Variants in SCRN1 observed in about 807,000 individuals in gnomAD.
The protein encoded by SCRN1 is secernin-1.
SCRN1 carries 19 observed loss-of-function variants against 43.3 expected under a neutral mutation model. The observed-to-expected ratio is 0.44, with a 90% CI of 0.31 to 0.64. The LOEUF is 0.64. SCRN1 is among the 30% of genes least tolerant of loss of function. The probability of loss-of-function intolerance (pLI) is 0.09; values close to 1 mark genes in which losing one functional copy is unlikely to be tolerated. For synonymous variants in SCRN1, 183 were observed against 188.9 expected, an observed-to-expected ratio of 0.97 and a Z score of 0.26; for missense variants, 447 against 524.1, an observed-to-expected ratio of 0.85 and a Z score of 1.44.
Position 29,923,962 on chromosome 7 carries a change from T to G in SCRN1, c.1240A>C (p.Lys414Gln), listed in dbSNP as rs143093540. 131 of 1,610,716 alleles carry G rather than the reference T, an allele frequency of 8.1e-5. 2 individuals are homozygous for G. In the East Asian group the frequency reaches 2.9e-3, roughly 36 times the overall value. ...DCVDTEIKFFK is the reference protein window; with the variant it reads ...DCVDTEIKFFQ ...GGGGAAAGGGAACGCTTACTTCACT[T>G]AAAGAACTTAATCTCCGTGTCAACA... Residue 414 changes from lysine (K) to glutamine (Q), a missense_variant, in exon 8 of 8, where the codon AAG (lysine) becomes CAG (glutamine). Lys to Gln is a moderately conservative substitution (Grantham distance 53, BLOSUM62 1). Coordinates refer to ENST00000242059, the MANE Select transcript of SCRN1 (RefSeq NM_014766.5).
intron 1 of SCRN1, among the ~76,000 whole-genome samples, chr7:29,983,501 A>C (rs1403057937): frequency 6.6e-6 from 1 of 152,190 alleles, no homozygotes; most frequent in Admixed American, 6.5e-5. Flanking sequence ...TTTAAAGAAC[A>C]GAGAATGTTC....
intron 3 of SCRN1, among the ~76,000 whole-genome samples, chr7:29,951,402 G>A (rs915345941): frequency 2.0e-5 from 3 of 152,168 alleles, no homozygotes; most frequent in African/African-American, 7.2e-5. Context: ...AGTGTGCAGG[G>A]CCAAGTGGTG....
intron 1 of SCRN1, among the ~76,000 whole-genome samples, chr7:29,978,447 G>A (rs549537653): frequency 1.3e-5 from 2 of 152,122 alleles, no homozygotes; most frequent in South Asian, 2.1e-4. Flanking sequence ...CAATGAAAGC[G>A]CCACCTCTCC....
At chr7:29,938,659 A>C (rs1424160965) in intron 5 of SCRN1, among the ~76,000 whole-genome samples, 1 of 152,268 alleles carries the variant, frequency 6.6e-6, no homozygotes, top group Non-Finnish European at 1.5e-5. Flanking sequence ...CTCCTGCTGC[A>C]GATAACTAGC....
chr7:29,925,627 T>C (rs1477556308), intron 7 of SCRN1, among the ~76,000 whole-genome samples: 2 of 152,186 alleles, frequency 1.3e-5, no homozygotes, highest in Non-Finnish European at 2.9e-5. Flanking sequence ...GGTTTTCTTG[T>C]TTGAATTGAT....
chr7:29,924,952 A>G (rs1379814390), intron 7 of SCRN1, among the ~76,000 whole-genome samples: 1 of 152,106 alleles, frequency 6.6e-6, no homozygotes, highest in Non-Finnish European at 1.5e-5. Flanking sequence ...TAAATTTCAA[A>G]ACCCACCAGC....
upstream of SCRN1, chr7:29,989,907 C>T: frequency 1.8e-6 from 2 of 1,108,314 alleles, no homozygotes; most frequent in Non-Finnish European, 2.2e-6. Context: ...CGCCGCACCC[C>T]GCGCGTCTGG....
rs1334359185 is a variant in SCRN1, at chr7:29,921,844, ACTT to A, written c.*2110_*2112del. 6.6e-6 allele frequency: 1 copy of A among 152,176 alleles called. No individual in the cohort carries two copies. Among genetic ancestry groups the A allele is most frequent in the African/African-American group, 2.4e-5 (1 of 41,434 alleles). 9.4% of individuals were successfully genotyped at this position (152,176 alleles called of 1,614,324 possible). A position where few individuals can be genotyped will look rare whatever the true frequency, so the allele number is the denominator to read the frequency against. ...CTTCTGTGTAATTAATTCTTACTAG[ACTT>A]CTTTTGATCAAATCCTGAATCACCT... is the stretch of plus-strand genomic sequence containing the variant. On this transcript the variant is annotated 3_prime_UTR_variant, in exon 8 of 8. Transcript: ENST00000242059.
rs138924665 is a variant in SCRN1 at position 29,978,348 on chromosome 7, C to T, written c.-1-9280G>A. ...TCTGGCAACACCAAATCCACATTCC[C>T]GCATGATGGCAAGACTGGAGTTGGG... On this transcript the variant is annotated intron_variant, in intron 1 of 7. Transcript: ENST00000242059. Among the ~76,000 whole-genome samples, 424 of 152,300 alleles carry T rather than the reference C, an allele frequency of 2.8e-3. 1 individual carries two copies. Among genetic ancestry groups the T allele is most frequent in the African/African-American group, 9.4e-3 (389 of 41,560 alleles).
chr7:29,953,843 C>G (rs1475328897), intron 3 of SCRN1, among the ~76,000 whole-genome samples: 1 of 152,066 alleles, frequency 6.6e-6, no homozygotes, highest in Non-Finnish European at 1.5e-5. Context: ...ATTCCTTTTT[C>G]TAGGATGTTA....
intron 3 of SCRN1, among the ~76,000 whole-genome samples, chr7:29,945,385 T>G (rs371169493): frequency 7.9e-5 from 12 of 152,328 alleles, no homozygotes; most frequent in African/African-American, 2.9e-4. Context: ...CAAGATCTGA[T>G]GAGTTTATCA....
intron 4 of SCRN1, among the ~76,000 whole-genome samples, chr7:29,942,164 C>A (rs929359): frequency 0.06 from 9,202 of 152,222 alleles, 365 homozygotes; most frequent in African/African-American, 0.11. Flanking sequence ...GACATCATTC[C>A]TACTAAGTTA....
At chr7:29,941,926 A>G (rs1787570163) in intron 4 of SCRN1, among the ~76,000 whole-genome samples, 1 of 152,196 alleles carries the variant, frequency 6.6e-6, no homozygotes, top group Non-Finnish European at 1.5e-5. Flanking sequence ...CATAAACTAC[A>G]AGCTACAGGA....
chr7:29,981,612 C>A (rs568857762), intron 1 of SCRN1, among the ~76,000 whole-genome samples: 2 of 152,286 alleles, frequency 1.3e-5, no homozygotes, highest in African/African-American at 4.8e-5. Flanking sequence ...AGTTGGGAGG[C>A]CCCAGGCTCT....
chr7:29,955,278 A>C lies in SCRN1; in HGVS notation c.242T>G (p.Met81Arg). Residue 81 changes from methionine to arginine, a missense_variant, in exon 3 of 8, where the codon ATG (methionine) becomes AGG (arginine). Coordinates refer to ENST00000242059, the MANE Select transcript of SCRN1 (RefSeq NM_014766.5). ...GCACACTCCATGTTCATTGGCTCCC[A>C]TTTCTGCTCCCCAGAGCCAGGCGGG... ...SRPAWLWGAE[M>R]GANEHGVCIA... 6.2e-7 allele frequency: 1 copy of C among 1,614,036 alleles called. No homozygotes were observed. Among genetic ancestry groups the C allele is most frequent in the Non-Finnish European group, 8.5e-7 (1 of 1,180,020 alleles).
chr7:29,933,397 T>A (rs1257160080), intron 6 of SCRN1, among the ~76,000 whole-genome samples: 1 of 152,204 alleles, frequency 6.6e-6, no homozygotes, highest in Non-Finnish European at 1.5e-5. Context: ...CAGCTTTCCG[T>A]GGCTCCAGCA....
At chr7:29,970,615 A>G (rs1344760676) in intron 1 of SCRN1, among the ~76,000 whole-genome samples, 1 of 152,244 alleles carries the variant, frequency 6.6e-6, no homozygotes, top group African/African-American at 2.4e-5. Context: ...TCCCTTTTGC[A>G]CACTGCTGTA....
At chr7:29,961,240 G>A (rs1261766876) in intron 2 of SCRN1, among the ~76,000 whole-genome samples, 10 of 143,162 alleles carry the variant, frequency 7.0e-5, no homozygotes, top group African/African-American at 1.0e-4. Flanking sequence ...TTGTGTCCCT[G>A]ATTACTTGAG....
chr7:29,974,685 C>CTTTCT (rs1288431675), intron 1 of SCRN1, among the ~76,000 whole-genome samples: 1 of 134,212 alleles, frequency 7.5e-6, no homozygotes, highest in African/African-American at 2.8e-5. Context: ...TTCTTTCTTT[C>CTTTCT]TTTTTTTTTT....
Sources: allele counts gnomAD v4.1 joint callset (sites outside exome capture counted in the v4.1 genomes callset), GRCh38; gene constraint gnomAD v4.1.1; transcripts MANE v1.5; gene names NCBI Gene and HGNC (gene_info 2026-07-23, HGNC 2026-07-21).